Variants in EDA observed in about 807,000 individuals in gnomAD.
The protein encoded by EDA is ectodysplasin A.
A neutral mutation model predicts 23.6 loss-of-function variants in EDA; 2 were observed. That is an observed-to-expected ratio of 0.08 (90% CI 0.03 to 0.27). The LOEUF is 0.27. Ranked by LOEUF, EDA falls within the 10% of genes least tolerant of loss-of-function variation. EDA has a pLI of 1.00. For missense variants in EDA, 229 were observed against 324.2 expected (o/e 0.71, Z 2.26); for synonymous variants, 131 against 132.0 (o/e 0.99, Z 0.05).
chrX:69,819,031 T>A (rs777811653), intron 1 of EDA, among the ~76,000 whole-genome samples: 29 of 112,020 alleles, frequency 2.6e-4, no homozygotes, highest in Non-Finnish European at 4.7e-4. Context: ...ACAATCAAGT[T>A]GGCTTTATCT....
chrX:70,007,645 T>G (rs868212289), intron 2 of EDA, among the ~76,000 whole-genome samples: 2 of 111,285 alleles, frequency 1.8e-5, no homozygotes, highest in Middle Eastern at 4.7e-3. Context: ...GAAAATGGAC[T>G]AATGCAGATC....
chrX:69,646,015 A>C (rs1420222280), intron 1 of EDA, among the ~76,000 whole-genome samples: 1 of 111,019 alleles, frequency 9.0e-6, no homozygotes, highest in Non-Finnish European at 1.9e-5. Context: ...TGAATTTCTT[A>C]ATCTTGAGTA....
At chrX:69,956,913 T>A in intron 1 of EDA, 114 bp from the exon 2 acceptor site, 2 of 626,419 alleles carry the variant, frequency 3.2e-6, no homozygotes, top group Non-Finnish European at 5.4e-6. Context: ...GGGCTCAGGC[T>A]TTAGACACAT....
chrX:70,004,568 GT>G (rs1234502448), intron 2 of EDA, among the ~76,000 whole-genome samples: 2 of 112,048 alleles, frequency 1.8e-5, no homozygotes, highest in Non-Finnish European at 3.8e-5. Flanking sequence ...CATTTCCTCT[GT>G]TTACAATTCT....
intron 1 of EDA, among the ~76,000 whole-genome samples, chrX:69,754,004 A>T (rs1265854321): frequency 9.1e-6 from 1 of 110,291 alleles, no homozygotes; most frequent in Non-Finnish European, 1.9e-5. Flanking sequence ...CAGCACATGG[A>T]TGGGTCTTGA....
intron 1 of EDA, among the ~76,000 whole-genome samples, chrX:69,829,445 G>A (rs2016551675): frequency 1.8e-5 from 2 of 111,897 alleles, no homozygotes; most frequent in Non-Finnish European, 3.8e-5. Flanking sequence ...AATGATGACA[G>A]GTTTTCCAAA....
chrX:69,622,024 G>T (rs1223349828), intron 1 of EDA, among the ~76,000 whole-genome samples: 1 of 111,573 alleles, frequency 9.0e-6, no homozygotes, highest in Non-Finnish European at 1.9e-5. Context: ...GTACCAAAGT[G>T]ATGGGATTAC....
chrX:69,830,346 A>G (rs1489454835), intron 1 of EDA, among the ~76,000 whole-genome samples: 1 of 111,753 alleles, frequency 8.9e-6, no homozygotes, highest in Non-Finnish European at 1.9e-5. Flanking sequence ...TAGTCCTTTG[A>G]AACACACAAA....
intron 1 of EDA, among the ~76,000 whole-genome samples, chrX:69,888,592 A>G (rs2017864839): frequency 9.1e-6 from 1 of 109,522 alleles, no homozygotes; most frequent in African/African-American, 3.3e-5. Flanking sequence ...TTGAAAGTGA[A>G]TAGATGAAAA....
chrX:69,655,787 T>TATATA (rs6151315), intron 1 of EDA, among the ~76,000 whole-genome samples: 5 of 88,349 alleles, frequency 5.7e-5, no homozygotes, highest in African/African-American at 9.3e-5. Flanking sequence ...TATATATATA[T>TATATA]TGCACTTTGT....
chrX:69,638,868 C>G (rs139020230), intron 1 of EDA, among the ~76,000 whole-genome samples: 85 of 111,608 alleles, frequency 7.6e-4, no homozygotes, highest in African/African-American at 2.7e-3. Context: ...TTGCCACTAT[C>G]TATTTCCAGA....
rs181215418 is a variant in EDA at position 69,659,001 on chromosome X, C to T, written c.396+42297C>T. ...CCCACAGCAATACAAAAGATAACCT[C>T]CCTGGACTGGAGATTCAGTGATTAT... On this transcript the variant is annotated intron_variant, in intron 1 of 7. Coordinates refer to ENST00000374552, the MANE Select transcript of EDA (RefSeq NM_001399.5). 4.1e-3 allele frequency among the ~76,000 whole-genome samples: 462 copies of T among 111,885 alleles called. 1 individual carries two copies. Among genetic ancestry groups the T allele is most frequent in the Middle Eastern group, 9.2e-3 (2 of 217 alleles).
At chrX:69,689,064 G>A (rs190254273) in intron 1 of EDA, among the ~76,000 whole-genome samples, 25 of 111,355 alleles carry the variant, frequency 2.2e-4, no homozygotes, top group South Asian at 3.9e-4. Flanking sequence ...GATTGTAAAC[G>A]TAAGCGTTTA....
chrX:69,870,690 C>T (rs1192450216), intron 1 of EDA, among the ~76,000 whole-genome samples: 2 of 111,488 alleles, frequency 1.8e-5, no homozygotes, highest in African/African-American at 6.5e-5. Flanking sequence ...TCAGGGTCCT[C>T]CCACGCATCC....
chrX:69,855,593 T>A (rs1326058794), intron 1 of EDA, among the ~76,000 whole-genome samples: 1 of 111,870 alleles, frequency 8.9e-6, no homozygotes, highest in Non-Finnish European at 1.9e-5. Flanking sequence ...ATTGCTTATT[T>A]TTGTCAGGTT....
chrX:69,796,367 A>C (rs1207132324), intron 1 of EDA, among the ~76,000 whole-genome samples: 2 of 111,920 alleles, frequency 1.8e-5, no homozygotes, highest in Non-Finnish European at 3.8e-5. Context: ...GGAGCCAAAG[A>C]CAGGACCACC....
chrX:69,839,703 A>C (rs1334846948), intron 1 of EDA, among the ~76,000 whole-genome samples: 4 of 111,792 alleles, frequency 3.6e-5, no homozygotes, highest in Non-Finnish European at 5.6e-5. Flanking sequence ...CCTGTGTGTG[A>C]TTGAGGGTAA....
chrX:69,894,680 A>G (rs759262428), intron 1 of EDA, among the ~76,000 whole-genome samples: 2 of 111,242 alleles, frequency 1.8e-5, no homozygotes, highest in Admixed American at 9.6e-5. Context: ...TGTGAGTGGG[A>G]TTGCATTCTT....
intron 2 of EDA, among the ~76,000 whole-genome samples, chrX:69,995,700 G>C (rs1351374040): frequency 8.9e-6 from 1 of 112,525 alleles, no homozygotes; most frequent in African/African-American, 3.2e-5. Context: ...TTTAAAAATA[G>C]TTTTCTAAAA....
Sources: allele counts gnomAD v4.1 joint callset (sites outside exome capture counted in the v4.1 genomes callset), GRCh38; gene constraint gnomAD v4.1.1; transcripts MANE v1.5; gene names NCBI Gene and HGNC (gene_info 2026-07-23, HGNC 2026-07-21).